MSRB3: variants seen among roughly 807,000 people sequenced by gnomAD.
The protein encoded by MSRB3 is methionine sulfoxide reductase B3, also known as methionine-R-sulfoxide reductase B3.
Under a neutral mutation model 21.0 loss-of-function variants are expected in MSRB3, and 13 were observed. The ratio of observed to expected loss-of-function variants is 0.62; its 90% CI spans 0.40 to 0.98. The LOEUF is 0.98. Ranked by LOEUF, MSRB3 falls within the 50% of genes least tolerant of loss-of-function variation. The pLI, the probability that MSRB3 is intolerant of heterozygous loss-of-function variation, is 0.00. For synonymous variants in MSRB3, 87 were observed against 88.6 expected (o/e 0.98, Z 0.10); for missense variants, 199 against 230.3 (o/e 0.86, Z 0.88).
intron 4 of MSRB3, among the ~76,000 whole-genome samples, chr12:65,345,117 A>G (rs545100331): frequency 1.3e-5 from 2 of 152,064 alleles, no homozygotes; most frequent in Non-Finnish European, 2.9e-5. Context: ...CTATTCCTAA[A>G]GATTAATTTG....
intron 5 of MSRB3, among the ~76,000 whole-genome samples, chr12:65,446,667 C>T (rs1026402921): frequency 1.3e-5 from 2 of 151,782 alleles, no homozygotes; most frequent in Non-Finnish European, 2.9e-5. Context: ...AGAAGAAATC[C>T]ATTGCAAAGA....
intron 4 of MSRB3, among the ~76,000 whole-genome samples, chr12:65,355,609 C>T (rs558197990): frequency 3.7e-4 from 56 of 151,712 alleles, no homozygotes; most frequent in Non-Finnish European, 5.9e-4. Flanking sequence ...TGCTTTATGC[C>T]GCTGGAGATT....
chr12:65,285,135 G>C (rs927611174), intron 1 of MSRB3: 7 of 152,156 alleles, frequency 4.6e-5, no homozygotes, highest in African/African-American at 1.7e-4. Context: ...GCCATGGTCA[G>C]GTTCTTATCC....
chr12:65,398,293 A>G (rs762791215), intron 5 of MSRB3, among the ~76,000 whole-genome samples: 2 of 152,166 alleles, frequency 1.3e-5, no homozygotes, highest in Non-Finnish European at 2.9e-5. Context: ...CTTTTTGATG[A>G]TCACCATTCT....
chr12:65,323,356 A>G (rs1874809154), intron 2 of MSRB3, among the ~76,000 whole-genome samples: 1 of 152,248 alleles, frequency 6.6e-6, no homozygotes, highest in East Asian at 1.9e-4. Context: ...TAAATAAAAT[A>G]TCCTTGGACT....
chr12:65,346,690 A>T (rs917626024), intron 4 of MSRB3, among the ~76,000 whole-genome samples: 28 of 151,758 alleles, frequency 1.8e-4, no homozygotes, highest in African/African-American at 6.0e-4. Flanking sequence ...TATTGCCTAG[A>T]TTTTCTTCTA....
chr12:65,356,834 T>G (rs1877412173), intron 4 of MSRB3, among the ~76,000 whole-genome samples: 1 of 151,914 alleles, frequency 6.6e-6, no homozygotes, highest in Non-Finnish European at 1.5e-5. Flanking sequence ...ACAAGTGGTT[T>G]AGTACAGATT....
At chr12:65,386,329 C>A (rs1247190609) in intron 5 of MSRB3, among the ~76,000 whole-genome samples, 1 of 151,864 alleles carries the variant, frequency 6.6e-6, no homozygotes, top group Non-Finnish European at 1.5e-5. Flanking sequence ...AGAAGACACA[C>A]CATTACACAT....
chr12:65,428,311 AT>A (rs369232265), intron 5 of MSRB3, among the ~76,000 whole-genome samples: 10 of 148,100 alleles, frequency 6.8e-5, no homozygotes, highest in East Asian at 2.0e-4. Context: ...CTGTGTGTAT[AT>A]TTTTTTTTTG....
chr12:65,423,298 G>A (rs915189468), intron 5 of MSRB3, among the ~76,000 whole-genome samples: 1 of 152,060 alleles, frequency 6.6e-6, no homozygotes, highest in African/African-American at 2.4e-5. Flanking sequence ...TCTGCAAACA[G>A]GGACAGTTAA....
At chr12:65,295,340 A>G (rs1347877737) in intron 1 of MSRB3, among the ~76,000 whole-genome samples, 1 of 152,180 alleles carries the variant, frequency 6.6e-6, no homozygotes, top group Non-Finnish European at 1.5e-5. Flanking sequence ...GGTCCTGTAG[A>G]TCCACATGAC....
chr12:65,390,777 A>G (rs1879441386), intron 5 of MSRB3, among the ~76,000 whole-genome samples: 1 of 152,180 alleles, frequency 6.6e-6, no homozygotes, highest in African/African-American at 2.4e-5. Context: ...AAAAATCCAA[A>G]TCCCTGTTGG....
chr12:65,453,240 C>T (rs1372300175), intron 5 of MSRB3, among the ~76,000 whole-genome samples: 1 of 152,056 alleles, frequency 6.6e-6, no homozygotes, highest in Non-Finnish European at 1.5e-5. Flanking sequence ...ACAGGATAGT[C>T]GTTTTGTTAA....
chr12:65,423,389 T>A (rs1881422998), intron 5 of MSRB3, among the ~76,000 whole-genome samples: 1 of 152,204 alleles, frequency 6.6e-6, no homozygotes, highest in South Asian at 2.1e-4. Flanking sequence ...TAGTACAATA[T>A]TGAATAGAAG....
intron 1 of MSRB3, among the ~76,000 whole-genome samples, chr12:65,296,535 G>C (rs1476185170): frequency 6.6e-6 from 1 of 152,206 alleles, no homozygotes; most frequent in Non-Finnish European, 1.5e-5. Flanking sequence ...GGATCTTAGA[G>C]AGTAACTAAA....
intron 5 of MSRB3, among the ~76,000 whole-genome samples, chr12:65,390,352 G>T (rs1025410288): frequency 1.3e-5 from 2 of 152,012 alleles, no homozygotes; most frequent in Non-Finnish European, 2.9e-5. Flanking sequence ...ACACTACGCT[G>T]TTTGTATTTT....
intron 2 of MSRB3, chr12:65,308,906 C>T: frequency 3.6e-6 from 2 of 557,816 alleles, no homozygotes; most frequent in Non-Finnish European, 6.4e-6. Context: ...TTCATATCTT[C>T]TTGTTCTTTA....
At chr12:65,416,812 G>C (rs1881003543) in intron 5 of MSRB3, among the ~76,000 whole-genome samples, 1 of 152,160 alleles carries the variant, frequency 6.6e-6, no homozygotes, top group African/African-American at 2.4e-5. Context: ...TGACACTTAT[G>C]ATAGGAATAT....
intron 1 of MSRB3, 31 bp downstream of exon 1, chr12:65,278,896 T>A: frequency 6.5e-7 from 1 of 1,546,560 alleles, no homozygotes. Context: ...CCTCTCCTCC[T>A]CGCCTCACCC....
Sources: gnomAD v4.1 joint callset for allele counts (sites outside exome capture counted in the v4.1 genomes callset) on GRCh38, gnomAD v4.1.1 for gene constraint, MANE v1.5 for transcripts, NCBI Gene and HGNC (gene_info 2026-07-23, HGNC 2026-07-21) for gene names.